The following AGO3 variants were observed in gnomAD, a reference collection of about 807,000 sequenced individuals.
The protein encoded by AGO3 is protein argonaute-3.
A neutral mutation model predicts 105.5 loss-of-function variants in AGO3; 16 were observed. The observed-to-expected ratio is 0.15, with a 90% CI of 0.10 to 0.23. The LOEUF is 0.23. AGO3 is among the 10% of genes least tolerant of loss of function. AGO3 has a pLI of 1.00. For missense variants in AGO3, 534 were observed against 1,088.0 expected, an observed-to-expected ratio of 0.49 and a Z score of 7.16; for synonymous variants, 340 against 367.3, an observed-to-expected ratio of 0.93 and a Z score of 0.85.
At chr1:36,039,537 G>A (rs1257071626) in intron 14 of AGO3, among the ~76,000 whole-genome samples, 1 of 150,866 alleles carries the variant, frequency 6.6e-6, no homozygotes, top group East Asian at 1.9e-4. Flanking sequence ...GAGAGAGATG[G>A]GGTCTTGCTA....
chr1:36,000,000 C>T (rs370130148), intron 5 of AGO3, among the ~76,000 whole-genome samples: 6 of 151,956 alleles, frequency 3.9e-5, no homozygotes, highest in African/African-American at 7.2e-5. Context: ...GTTCCCTTCT[C>T]GTCCTGGTAC....
chr1:36,052,426 A>T (rs1229027358), intron 17 of AGO3, among the ~76,000 whole-genome samples: 2 of 152,138 alleles, frequency 1.3e-5, no homozygotes, highest in Admixed American at 6.6e-5. Flanking sequence ...ATTACCAAAG[A>T]CTGGTTAACA....
chr1:35,981,182 AG>A (rs1217989704), intron 5 of AGO3, among the ~76,000 whole-genome samples: 1 of 152,052 alleles, frequency 6.6e-6, no homozygotes, highest in Non-Finnish European at 1.5e-5. Flanking sequence ...TTGTCTGTTG[AG>A]TTTTCTTTGT....
chr1:36,013,609 A>G (rs543190691), intron 9 of AGO3, 21 bp from the exon 10 acceptor site: 2 of 1,612,196 alleles, frequency 1.2e-6, no homozygotes, highest in African/African-American at 1.3e-5. Flanking sequence ...GAGAGTAACT[A>G]CAAACTTTTT....
intron 4 of AGO3, 130 bp from the exon 5 acceptor site, chr1:35,973,245 C>T: frequency 9.7e-7 from 1 of 1,025,872 alleles, no homozygotes; most frequent in Non-Finnish European, 1.3e-6. Context: ...AAATTTGGAA[C>T]ATGTTTAGTT....
intron 5 of AGO3, among the ~76,000 whole-genome samples, chr1:35,981,130 G>A (rs1250034578): frequency 6.6e-6 from 1 of 152,162 alleles, no homozygotes; most frequent in African/African-American, 2.4e-5. Context: ...TTCAGTGTGA[G>A]TAAAAAGTAG....
At chr1:35,930,870 G>A, upstream of AGO3, 1 of 224,326 alleles carries the variant, frequency 4.5e-6, no homozygotes, top group Non-Finnish European at 8.6e-6. Context: ...CCCCACTCGT[G>A]CGGCGCGAGT....
At chr1:35,950,052 C>A (rs950007500) in intron 2 of AGO3, among the ~76,000 whole-genome samples, 1 of 152,128 alleles carries the variant, frequency 6.6e-6, no homozygotes, top group African/African-American at 2.4e-5. Context: ...GAAACCCCGT[C>A]TCTACTAAAA....
intron 1 of AGO3, 37 bp downstream of exon 1, chr1:35,931,482 C>T (rs765520036): frequency 2.8e-6 from 4 of 1,451,894 alleles, no homozygotes; most frequent in Non-Finnish European, 3.6e-6. Context: ...GGGGATGTCA[C>T]CCAGCTACTG....
chr1:36,032,391 CT>C (rs1641818753), intron 12 of AGO3, among the ~76,000 whole-genome samples: 1 of 151,618 alleles, frequency 6.6e-6, no homozygotes, highest in African/African-American at 2.4e-5. Context: ...GTCATTTGTC[CT>C]TTTTTTTAAG....
chr1:35,965,952 A>G (rs747314943), intron 2 of AGO3, among the ~76,000 whole-genome samples: 1 of 151,276 alleles, frequency 6.6e-6, no homozygotes, highest in African/African-American at 2.4e-5. Context: ...CAGCCTCCCA[A>G]GTAGCTGAGA....
chr1:36,017,851 C>T (rs540317747), intron 11 of AGO3, among the ~76,000 whole-genome samples: 17 of 151,020 alleles, frequency 1.1e-4, no homozygotes, highest in Admixed American at 7.9e-4. Flanking sequence ...TGCAGTGAGC[C>T]GAGATCACGC....
At chr1:35,997,634 A>G (rs1639890756) in intron 5 of AGO3, among the ~76,000 whole-genome samples, 4 of 152,188 alleles carry the variant, frequency 2.6e-5, no homozygotes, top group Admixed American at 2.0e-4. Context: ...CGCCTTAACG[A>G]TATTTTCAAA....
At chr1:35,997,285 A>G (rs939089233) in intron 5 of AGO3, among the ~76,000 whole-genome samples, 7 of 152,172 alleles carry the variant, frequency 4.6e-5, no homozygotes, top group Admixed American at 4.6e-4. Context: ...TCTCAGCAAA[A>G]AAAGAAAGAA....
At chr1:36,028,265 A>G (rs944527019) in intron 12 of AGO3, among the ~76,000 whole-genome samples, 2 of 151,238 alleles carry the variant, frequency 1.3e-5, no homozygotes, top group African/African-American at 4.9e-5. Flanking sequence ...TTTTTATTAT[A>G]CTTTAAGTTT....
Position 36,061,145 on chromosome 1 carries a change from G to C in AGO3, c.*5400G>C, listed in dbSNP as rs762114355. The C allele has an allele frequency of 5.9e-5, 9 of 152,130 alleles. No homozygotes were observed. Among genetic ancestry groups the C allele is most frequent in the Non-Finnish European group, 1.2e-4 (8 of 68,048 alleles). 9.4% of individuals were successfully genotyped at this position (152,130 alleles called of 1,614,324 possible). A position where few individuals can be genotyped will look rare whatever the true frequency, so the allele number is the denominator to read the frequency against. Reference sequence around the variant, plus strand: ...AGTGTTAGAAATGACACTGTGATTAGTGAAAGCCAAGCTGAGTCCCAGGAA... The same window carrying C: ...AGTGTTAGAAATGACACTGTGATTACTGAAAGCCAAGCTGAGTCCCAGGAA... On this transcript the variant is annotated 3_prime_UTR_variant, in exon 19 of 19. Transcript: ENST00000373191.
In AGO3 at chr1:35,971,979, T is replaced by G. The variant is rs201739250; in HGVS notation, c.313-45T>G. ...TAAGTTAAATCTAAAATAATTGTAT[T>G]TATCTTTTTCAACATTTACCAGTTG... On this transcript the variant is annotated intron_variant, in intron 3 of 18. Transcript: ENST00000373191. The G allele has an allele frequency of 5.5e-4, 846 of 1,534,122 alleles. 9 individuals are homozygous for G. Among genetic ancestry groups the G allele is most frequent in the South Asian group, 5.0e-3 (437 of 87,904 alleles).
chr1:35,958,512 T>C (rs1210636206), intron 2 of AGO3, among the ~76,000 whole-genome samples: 3 of 151,942 alleles, frequency 2.0e-5, no homozygotes, highest in Non-Finnish European at 2.9e-5. Flanking sequence ...AATACAAAAA[T>C]TAGCTGGGCA....
chr1:35,936,706 TACA>T (rs1646153844), intron 1 of AGO3, among the ~76,000 whole-genome samples: 1 of 152,212 alleles, frequency 6.6e-6, no homozygotes, highest in African/African-American at 2.4e-5. Flanking sequence ...ACGTGGTATC[TACA>T]GTCTATTGAT....
Sources: allele counts gnomAD v4.1 joint callset (sites outside exome capture counted in the v4.1 genomes callset), GRCh38; gene constraint gnomAD v4.1.1; transcripts MANE v1.5; gene names NCBI Gene and HGNC (gene_info 2026-07-23, HGNC 2026-07-21).